The following CHCHD6 variants were observed in gnomAD, a reference collection of about 807,000 sequenced individuals.
CHCHD6 encodes MICOS complex subunit MIC25.
In CHCHD6, 28 loss-of-function variants were observed where a neutral mutation model predicts 32.3. That is an observed-to-expected ratio of 0.87 (90% confidence interval 0.64 to 1.19). CHCHD6 has a LOEUF of 1.19. CHCHD6 is among the 50% of genes most tolerant of loss of function. The pLI, the probability that CHCHD6 is intolerant of heterozygous loss-of-function variation, is 0.00. For missense variants in CHCHD6, 333 were observed against 307.0 expected (o/e 1.08, Z -0.63); for synonymous variants, 122 against 117.5 (o/e 1.04, Z -0.25).
chr3:126,751,300 G>A (rs530741729), intron 4 of CHCHD6, among the ~76,000 whole-genome samples: 1 of 151,930 alleles, frequency 6.6e-6, no homozygotes, highest in East Asian at 1.9e-4. Flanking sequence ...CCAGAAGTTC[G>A]AGACCAGCCT....
At chr3:126,863,334 C>T (rs1942035270) in intron 5 of CHCHD6, among the ~76,000 whole-genome samples, 5 of 142,098 alleles carry the variant, frequency 3.5e-5, no homozygotes, top group South Asian at 2.4e-4. Context: ...CCTCCTCCTC[C>T]TCCATCACCT....
chr3:126,909,161 TA>T (rs1241823508), intron 5 of CHCHD6, among the ~76,000 whole-genome samples: 3 of 152,200 alleles, frequency 2.0e-5, no homozygotes, highest in Admixed American at 2.0e-4. Flanking sequence ...GGGAGGTGGT[TA>T]GGGGGTGTCT....
intron 4 of CHCHD6, among the ~76,000 whole-genome samples, chr3:126,822,829 A>G (rs1370623121): frequency 6.6e-6 from 1 of 152,144 alleles, no homozygotes; most frequent in Non-Finnish European, 1.5e-5. Flanking sequence ...TCTAGTTCAA[A>G]TGATCTGTGT....
At chr3:126,874,105 T>C (rs1225420935) in intron 5 of CHCHD6, among the ~76,000 whole-genome samples, 1 of 152,216 alleles carries the variant, frequency 6.6e-6, no homozygotes, top group Non-Finnish European at 1.5e-5. Context: ...TCTGCTTCCA[T>C]GTCACTTATG....
intron 5 of CHCHD6, among the ~76,000 whole-genome samples, chr3:126,870,288 G>A (rs754840848): frequency 6.6e-6 from 1 of 152,134 alleles, no homozygotes; most frequent in Non-Finnish European, 1.5e-5. Context: ...ATTAAACTCC[G>A]TGTTCCAGTA....
intron 4 of CHCHD6, among the ~76,000 whole-genome samples, chr3:126,825,710 TTAAC>T (rs1202049798): frequency 6.6e-6 from 1 of 152,226 alleles, no homozygotes; most frequent in Non-Finnish European, 1.5e-5. Context: ...CTTTACTACT[TTAAC>T]TTTCTTTTAG....
chr3:126,718,777 C>A (rs542974545), intron 1 of CHCHD6, among the ~76,000 whole-genome samples: 1 of 152,238 alleles, frequency 6.6e-6, no homozygotes, highest in Admixed American at 6.5e-5. Flanking sequence ...AAGCACGCAG[C>A]CCCGTCTGGC....
At chr3:126,771,113 A>G (rs1559833900) in intron 4 of CHCHD6, among the ~76,000 whole-genome samples, 1 of 151,746 alleles carries the variant, frequency 6.6e-6, no homozygotes, top group Non-Finnish European at 1.5e-5. Flanking sequence ...GTTTCTTTGC[A>G]TAGAGTTGTT....
intron 5 of CHCHD6, among the ~76,000 whole-genome samples, chr3:126,873,129 G>A (rs986367969): frequency 6.6e-6 from 1 of 152,140 alleles, no homozygotes; most frequent in African/African-American, 2.4e-5. Context: ...CAAACATCCT[G>A]GTTTGCAAAG....
At chr3:126,823,521 A>T (rs1425922770) in intron 4 of CHCHD6, among the ~76,000 whole-genome samples, 2 of 151,884 alleles carry the variant, frequency 1.3e-5, no homozygotes, top group African/African-American at 4.8e-5. Flanking sequence ...TTAATTTTTT[A>T]TTTCTTGTTA....
chr3:126,863,264 T>C (rs1197943636), intron 5 of CHCHD6, among the ~76,000 whole-genome samples: 16 of 58,720 alleles, frequency 2.7e-4, no homozygotes, highest in Non-Finnish European at 2.9e-4. Context: ...TCCTCCACCA[T>C]CACAACCGCC....
chr3:126,865,778 TC>T (rs1942269364), intron 5 of CHCHD6: 1 of 968,606 alleles, frequency 1.0e-6, no homozygotes, highest in South Asian at 4.8e-5. Flanking sequence ...CTCAGTCTCA[TC>T]TACTACTTTG....
intron 6 of CHCHD6, among the ~76,000 whole-genome samples, chr3:126,953,383 G>A (rs2078743034): frequency 6.6e-6 from 1 of 152,188 alleles, no homozygotes. Flanking sequence ...CGCTGTAGAG[G>A]GAGGGACCCT....
chr3:126,781,155 C>T (rs1937920343), intron 4 of CHCHD6, among the ~76,000 whole-genome samples: 1 of 152,066 alleles, frequency 6.6e-6, no homozygotes, highest in South Asian at 2.1e-4. Flanking sequence ...GAAGTAAATG[C>T]CTACAAAACT....
At chr3:126,799,802 A>G (rs1559850910) in intron 4 of CHCHD6, among the ~76,000 whole-genome samples, 1 of 152,204 alleles carries the variant, frequency 6.6e-6, no homozygotes, top group Non-Finnish European at 1.5e-5. Flanking sequence ...GGCCTGGAGA[A>G]AAAGAAGGCT....
chr3:126,722,709 A>G (rs1227997055), intron 1 of CHCHD6, among the ~76,000 whole-genome samples: 3 of 152,216 alleles, frequency 2.0e-5, no homozygotes, highest in South Asian at 4.1e-4. Context: ...AAAGTTCCTT[A>G]TCAGGTATAT....
chr3:126,916,696 C>T (rs1057309381), intron 6 of CHCHD6, among the ~76,000 whole-genome samples: 1 of 152,176 alleles, frequency 6.6e-6, no homozygotes, highest in African/African-American at 2.4e-5. Context: ...CTGAAGGGTT[C>T]CCCCCGGTAT....
chr3:126,743,725 T>C (rs1936379298), intron 4 of CHCHD6, among the ~76,000 whole-genome samples: 1 of 152,274 alleles, frequency 6.6e-6, no homozygotes, highest in East Asian at 1.9e-4. Flanking sequence ...TTGCACCAAC[T>C]GGAGGGGTGA....
chr3:126,847,943 T>C (rs558872144), intron 4 of CHCHD6, among the ~76,000 whole-genome samples: 1 of 152,292 alleles, frequency 6.6e-6, no homozygotes, highest in East Asian at 1.9e-4. Context: ...CATCAGTCTG[T>C]CTTCCACAGT....
Sources: gnomAD v4.1 joint callset for allele counts (sites outside exome capture counted in the v4.1 genomes callset) on GRCh38, gnomAD v4.1.1 for gene constraint, MANE v1.5 for transcripts, NCBI Gene and HGNC (gene_info 2026-07-23, HGNC 2026-07-21) for gene names.